ZNF830: variants seen among roughly 807,000 people sequenced by gnomAD.
ZNF830 encodes the protein zinc finger protein 830.
A neutral mutation model predicts 28.1 loss-of-function variants in ZNF830; 15 were observed. The ratio of observed to expected loss-of-function variants is 0.53; its 90% confidence interval spans 0.36 to 0.82. The LOEUF (loss-of-function observed/expected upper bound fraction) is 0.82. Ranked by LOEUF, ZNF830 falls within the 40% of genes least tolerant of loss-of-function variation. The pLI, the probability that ZNF830 is intolerant of heterozygous loss-of-function variation, is 0.01. For synonymous variants in ZNF830, 208 were observed against 185.3 expected (o/e 1.12, Z -0.99); for missense variants, 456 against 467.7 (o/e 0.97, Z 0.23).
rs748579344 is a variant in ZNF830, at chr17:34,962,049, TGAGGAGGAGGAGGAA to T, written c.495_509del (p.Glu166_Glu170del). The T allele has an allele frequency of 1.9e-6, 3 of 1,612,868 alleles. No homozygotes were observed. The highest frequency in any genetic ancestry group is 1.7e-5 in the Admixed American group (1 of 59,870). On this transcript the variant is annotated inframe_deletion, in exon 1 of 1. Coordinates refer to ENST00000361952, the MANE Select transcript of ZNF830 (RefSeq NM_052857.4). ...TCAGTTTACTCCCCGATTATGAAGA[TGAGGAGGAGGAGGAA>T]GAGGAGGAGGAAGGAGATGGAGAAA...
At position 34,961,837 on chromosome 17, in the gene ZNF830, G is replaced by A; in HGVS notation, c.271G>A (p.Gly91Ser). 2 of 1,613,934 alleles carry A rather than the reference G, an allele frequency of 1.2e-6. No individual in the cohort carries two copies. Among genetic ancestry groups the A allele is most frequent in the Non-Finnish European group, 1.7e-6 (2 of 1,180,014 alleles). The change falls in exon 1 of 1, where the codon GGT (glycine) becomes AGT (serine). Residue 91 changes from glycine to serine, a missense_variant. By Grantham distance (56) the Gly-to-Ser change is moderately conservative. Around this residue, in one of 2 missense-constraint regions of ZNF830, gnomAD observed 331 missense variants for 290.1 expected, o/e 1.14. Transcript: ENST00000361952. ...GAAAGGCGCGAAGGAAGCCAGCCAG[G>A]GTTCGTCCGCCAGTTCAGCGCCTCA... ...ELKGAKEASQ[G>S]SSASSAPHSV...
In ZNF830 at chr17:34,962,064, AGAG is replaced by A. The variant is rs1323333883; in HGVS notation, c.507_509del (p.Glu170del). 5.0e-6 allele frequency: 8 copies of A among 1,613,622 alleles called. No individual in the cohort carries two copies. The highest frequency in any genetic ancestry group is 6.8e-6 in the Non-Finnish European group (8 of 1,179,756). On this transcript the variant is annotated inframe_deletion, in exon 1 of 1. Coordinates refer to ENST00000361952, the MANE Select transcript of ZNF830 (RefSeq NM_052857.4). ...ATTATGAAGATGAGGAGGAGGAGGA[AGAG>A]GAGGAGGAAGGAGATGGAGAAAGAA...
In ZNF830 at chr17:34,962,097, G is replaced by C. The variant is rs1416360306; in HGVS notation, c.531G>C (p.Arg177Ser). 1 of 1,614,152 alleles carries C rather than the reference G, an allele frequency of 6.2e-7. No individual in the cohort carries two copies. Among genetic ancestry groups the C allele is most frequent in the Admixed American group, 1.7e-5 (1 of 60,022 alleles). ...AGGAAGGAGATGGAGAAAGAAAAAG[G>C]GGGGACGCCAGCAAGCCGCTCTCCG... Reference protein sequence around the residue: ...EEEEGDGERKRGDASKPLSDA... With the variant: ...EEEEGDGERKSGDASKPLSDA... Residue 177 changes from arginine (R) to serine (S), a missense_variant, in exon 1 of 1, where the codon AGG (arginine) becomes AGC (serine). This residue lies in a region of ZNF830 where 331 missense variants were observed against 290.1 expected (regional missense o/e 1.14). Coordinates refer to ENST00000361952, the MANE Select transcript of ZNF830 (RefSeq NM_052857.4).
At position 34,962,100 on chromosome 17, in the gene ZNF830, G is replaced by A; in HGVS notation, c.534G>A (p.Gly178=). 6.2e-7 allele frequency: 1 copy of A among 1,614,070 alleles called. No individual in the cohort carries two copies. The highest frequency in any genetic ancestry group is 1.1e-5 in the South Asian group (1 of 91,078). Residue 178 remains glycine (G), a synonymous_variant, in exon 1 of 1, where the codon GGG becomes GGA. Transcript: ENST00000361952. ...AAGGAGATGGAGAAAGAAAAAGGGG[G>A]GACGCCAGCAAGCCGCTCTCCGACG... ...EEEGDGERKR[G]DASKPLSDAQ...
At position 34,962,646 on chromosome 17, in the gene ZNF830, G is replaced by C. The variant is rs776916532; in HGVS notation, c.1080G>C (p.Leu360Phe). The C allele has an allele frequency of 6.2e-7, 1 of 1,610,232 alleles. No individual in the cohort carries two copies. The highest frequency in any genetic ancestry group is 1.7e-5 in the Admixed American group (1 of 59,098). ...ATGATGAGGGGGAACTACAGGATTT[G>C]TTGTCTCAGGATTGGAGGGTGAAAG... ...DSDDEGELQD[L>F]LSQDWRVKGA... is the part of the protein sequence containing the mutation. Residue 360 changes from leucine (L) to phenylalanine (F), a missense_variant, in exon 1 of 1, where the codon TTG becomes TTC. Leu to Phe is a conservative substitution (Grantham distance 22). Coordinates refer to ENST00000361952, the MANE Select transcript of ZNF830 (RefSeq NM_052857.4).
rs932569486 is a variant in ZNF830, at chr17:34,962,580, A to G, written c.1014A>G (p.Ile338Met). 9.3e-6 allele frequency: 15 copies of G among 1,613,848 alleles called. No homozygotes were observed. The highest frequency in any genetic ancestry group is 1.2e-5 in the Non-Finnish European group (14 of 1,180,016). Residue 338 changes from isoleucine to methionine, a missense_variant, in exon 1 of 1, where the codon ATA becomes ATG. Around this residue, in one of 2 missense-constraint regions of ZNF830, gnomAD observed 125 missense variants for 177.7 expected, o/e 0.70. Transcript: ENST00000361952. Reference protein sequence around the residue: ...IKNKLKEILTIKELQKKEEEN... With the variant: ...IKNKLKEILTMKELQKKEEEN... ...ATAAACTTAAAGAAATCCTGACCAT[A>G]AAAGAACTGCAGAAAAAGGAAGAAG...
chr17:34,961,697 A>C lies in ZNF830; in HGVS notation c.131A>C (p.Lys44Thr). Residue 44 changes from lysine (K) to threonine (T), a missense_variant, in exon 1 of 1, where the codon AAG (lysine) becomes ACG (threonine). By Grantham distance (78) the Lys-to-Thr change is moderately conservative (BLOSUM62 -1). Coordinates refer to ENST00000361952, the MANE Select transcript of ZNF830 (RefSeq NM_052857.4). ...SRKRIESPFAKYNRLGQLSCA... is the reference protein window; with the variant it reads ...SRKRIESPFATYNRLGQLSCA... ...AAACGGATAGAATCTCCATTCGCGA[A>C]GTACAACCGTTTGGGGCAGCTGAGT... 1 of 1,614,244 alleles carries C rather than the reference A, an allele frequency of 6.2e-7. No homozygotes were observed. The highest frequency in any genetic ancestry group is 1.1e-5 in the South Asian group (1 of 91,084).
Position 34,961,586 on chromosome 17 carries a change from C to T in ZNF830, c.20C>T (p.Ala7Val). 8 of 1,613,928 alleles carry T rather than the reference C, an allele frequency of 5.0e-6. No homozygotes were observed. Among genetic ancestry groups the T allele is most frequent in the Non-Finnish European group, 6.8e-6 (8 of 1,179,838 alleles). ...GCCAAGATGGCGTCCTCCGCCTCCG[C>T]CCGGACTCCGGCAGGGAAGCGAGTG... The part of the protein sequence containing the change: MASSAS[A>V]RTPAGKRVIN... Residue 7 changes from alanine (A) to valine (V), a missense_variant, in exon 1 of 1, where the codon GCC becomes GTC. Around this residue, in one of 2 missense-constraint regions of ZNF830, gnomAD observed 331 missense variants for 290.1 expected, o/e 1.14. Transcript: ENST00000361952.
chr17:34,962,665 G>A lies in ZNF830; in HGVS notation c.1099G>A (p.Val367Met). 3.7e-6 allele frequency: 6 copies of A among 1,601,444 alleles called. No individual in the cohort carries two copies. Among genetic ancestry groups the A allele is most frequent in the Non-Finnish European group, 5.1e-6 (6 of 1,175,542 alleles). ...GGATTTGTTGTCTCAGGATTGGAGG[G>A]TGAAAGGGGCATTGTTATAGGGTTT... ...LQDLLSQDWR[V>M]KGALL is the part of the protein sequence containing the mutation. Residue 367 changes from valine to methionine, a missense_variant, in exon 1 of 1, where the codon GTG becomes ATG. Around this residue, in one of 2 missense-constraint regions of ZNF830, gnomAD observed 125 missense variants for 177.7 expected, o/e 0.70. Transcript: ENST00000361952.
In ZNF830 at chr17:34,962,095, A is replaced by AG. The variant is rs35478078; in HGVS notation, c.535dup (p.Asp179GlyfsTer25). 1 of 1,613,742 alleles carries AG rather than the reference A, an allele frequency of 6.2e-7. No homozygotes were observed. The highest frequency in any genetic ancestry group is 8.5e-7 in the Non-Finnish European group (1 of 1,179,872). On this transcript the variant is annotated frameshift_variant, in exon 1 of 1. Coordinates refer to ENST00000361952, the MANE Select transcript of ZNF830 (RefSeq NM_052857.4). LOFTEE classifies it high-confidence loss of function. ...GGAGGAAGGAGATGGAGAAAGAAAA[A>AG]GGGGGGACGCCAGCAAGCCGCTCTC...
rs375833691 is a variant in ZNF830, at chr17:34,962,520, G to A, written c.954G>A (p.Val318=). The A allele has an allele frequency of 5.6e-6, 9 of 1,613,920 alleles. No individual in the cohort carries two copies. The highest frequency in any genetic ancestry group is 7.6e-6 in the Non-Finnish European group (9 of 1,180,022). ...IDEQIECYRR[V]EKLRNRQDEI... ...AGCAGATAGAGTGTTACCGACGGGTGGAAAAGCTACGGAATCGCCAGGATG... is the reference window on the plus strand; with the variant it reads ...AGCAGATAGAGTGTTACCGACGGGTAGAAAAGCTACGGAATCGCCAGGATG... The change falls in exon 1 of 1, where the codon GTG becomes GTA. Residue 318 remains valine, a synonymous_variant. Transcript: ENST00000361952.
Position 34,961,873 on chromosome 17 carries a change from A to G in ZNF830, c.307A>G (p.Arg103Gly), listed in dbSNP as rs767396464. ...SASSAPHSVK[R>G]KAPDADDQDV... ...CAGTTCAGCGCCTCATTCCGTCAAG[A>G]GGAAAGCGCCGGACGCAGACGACCA... Residue 103 changes from arginine to glycine, a missense_variant, in exon 1 of 1, where the codon AGG (arginine) becomes GGG (glycine). Physicochemically the swap from Arg to Gly is moderately radical, Grantham distance 125. Transcript: ENST00000361952. 5.6e-6 allele frequency: 9 copies of G among 1,613,978 alleles called. No individual in the cohort carries two copies. The highest frequency in any genetic ancestry group is 1.7e-5 in the Admixed American group (1 of 59,992).
rs1336909868 is a variant in ZNF830, at chr17:34,962,504, A to T, written c.938A>T (p.Glu313Val). The T allele has an allele frequency of 1.2e-6, 2 of 1,614,068 alleles. No homozygotes were observed. Among genetic ancestry groups the T allele is most frequent in the East Asian group, 2.2e-5 (1 of 44,900 alleles). The change falls in exon 1 of 1, where the codon GAG becomes GTG. Residue 313 changes from glutamate (E) to valine (V), a missense_variant. Physicochemically the swap from Glu to Val is moderately radical, Grantham distance 121 (BLOSUM62 -2). Around this residue, in one of 2 missense-constraint regions of ZNF830, gnomAD observed 125 missense variants for 177.7 expected, o/e 0.70. Coordinates refer to ENST00000361952, the MANE Select transcript of ZNF830 (RefSeq NM_052857.4). Reference protein sequence around the residue: ...RQIGEIDEQIECYRRVEKLRN... With the variant: ...RQIGEIDEQIVCYRRVEKLRN... ...ATTGGGGAGATCGATGAGCAGATAG[A>T]GTGTTACCGACGGGTGGAAAAGCTA...
In ZNF830 at chr17:34,962,719, G is replaced by A; in HGVS notation, c.*34G>A. On this transcript the variant is annotated 3_prime_UTR_variant, in exon 1 of 1. Coordinates refer to ENST00000361952, the MANE Select transcript of ZNF830 (RefSeq NM_052857.4). ...AGACCCAAGGTTTCTAACAGCCTCTGCTGTTGTATAAAAAGTGCTGTCTCT... is the reference window on the plus strand; with the variant it reads ...AGACCCAAGGTTTCTAACAGCCTCTACTGTTGTATAAAAAGTGCTGTCTCT... 6.5e-7 allele frequency: 1 copy of A among 1,538,912 alleles called. No individual in the cohort carries two copies. The highest frequency in any genetic ancestry group is 8.7e-7 in the Non-Finnish European group (1 of 1,149,918).
Position 34,962,391 on chromosome 17 carries a change from C to T in ZNF830, c.825C>T (p.Asp275=), listed in dbSNP as rs777871464. 1 of 1,613,924 alleles carries T rather than the reference C, an allele frequency of 6.2e-7. No homozygotes were observed. The highest frequency in any genetic ancestry group is 1.1e-5 in the South Asian group (1 of 91,076). ...AAGATCAGATGGACAAAGAGTGGGA[C>T]GAATTCCAAAAAGCCATGAGGCAGG... ...APKDQMDKEW[D]EFQKAMRQVN... is the part of the protein sequence containing the mutation. Residue 275 remains aspartate, a synonymous_variant, in exon 1 of 1, where the codon GAC becomes GAT. Coordinates refer to ENST00000361952, the MANE Select transcript of ZNF830 (RefSeq NM_052857.4).
rs368011542 is a variant in ZNF830 at position 34,962,368 on chromosome 17, G to A, written c.802G>A (p.Asp268Asn). Residue 268 changes from aspartate (D) to asparagine (N), a missense_variant, in exon 1 of 1, where the codon GAT (aspartate) becomes AAT (asparagine). Transcript: ENST00000361952. ...AGTACGAAAGGTTGATGCTCCAAAA[G>A]ATCAGATGGACAAAGAGTGGGACGA... ...ARVRKVDAPK[D>N]QMDKEWDEFQ... 5.6e-6 allele frequency: 9 copies of A among 1,614,090 alleles called. No homozygotes were observed. The highest frequency in any genetic ancestry group is 3.4e-6 in the Non-Finnish European group (4 of 1,180,058).
Position 34,961,932 on chromosome 17 carries a change from T to C in ZNF830, c.366T>C (p.Pro122=), listed in dbSNP as rs775715019. The part of the protein sequence containing the change: ...DVKRAKATLV[P]QVQPSTSAWT... ...AGAGAGCGAAGGCCACCTTGGTGCCTCAGGTACAGCCCTCCACATCTGCGT... is the reference window on the plus strand; with the variant it reads ...AGAGAGCGAAGGCCACCTTGGTGCCCCAGGTACAGCCCTCCACATCTGCGT... The change falls in exon 1 of 1, where the codon CCT becomes CCC. Residue 122 remains proline, a synonymous_variant. Coordinates refer to ENST00000361952, the MANE Select transcript of ZNF830 (RefSeq NM_052857.4). 3.7e-6 allele frequency: 6 copies of C among 1,614,112 alleles called. No homozygotes were observed. In the African/African-American group the frequency reaches 8.0e-5, roughly 22 times the overall value.
In ZNF830 at chr17:34,961,600, G is replaced by A. The variant is rs1821085554; in HGVS notation, c.34G>A (p.Gly12Arg). 1 of 1,614,006 alleles carries A rather than the reference G, an allele frequency of 6.2e-7. No individual in the cohort carries two copies. ...ASSASARTPA[G>R]KRVINQEELR... ...CTCCGCCTCCGCCCGGACTCCGGCA[G>A]GGAAGCGAGTGATAAATCAGGAAGA... is the stretch of plus-strand genomic sequence containing the variant. The change falls in exon 1 of 1, where the codon GGG becomes AGG. Residue 12 changes from glycine to arginine, a missense_variant. Physicochemically the swap from Gly to Arg is moderately radical, Grantham distance 125. This residue lies in a region of ZNF830 where 331 missense variants were observed against 290.1 expected (regional missense o/e 1.14). Transcript: ENST00000361952.
chr17:34,961,807 G>C lies in ZNF830; in HGVS notation c.241G>C (p.Glu81Gln). ...AAAGCAGCACCGAGAGAAAGTGGCC[G>C]AGCTGAAAGGCGCGAAGGAAGCCAG... ...LGKQHREKVA[E>Q]LKGAKEASQG... The change falls in exon 1 of 1, where the codon GAG becomes CAG. Residue 81 changes from glutamate to glutamine, a missense_variant. Glu to Gln is a conservative substitution (Grantham distance 29). This residue lies in a region of ZNF830 where 331 missense variants were observed against 290.1 expected (regional missense o/e 1.14). Coordinates refer to ENST00000361952, the MANE Select transcript of ZNF830 (RefSeq NM_052857.4). 6.2e-7 allele frequency: 1 copy of C among 1,613,976 alleles called. No individual in the cohort carries two copies.
Sources: gnomAD v4.1 joint callset for allele counts on GRCh38, gnomAD v4.1.1 for gene constraint, gnomAD v4.1.1 regional missense constraint, MANE v1.5 for transcripts, NCBI Gene and HGNC (gene_info 2026-07-23, HGNC 2026-07-21) for gene names.